Variants in FABP12 observed in about 807,000 individuals in gnomAD.
The protein encoded by FABP12 is fatty acid-binding protein 12.
In FABP12, 19 loss-of-function variants were observed where a neutral mutation model predicts 13.7. The ratio of observed to expected loss-of-function variants is 1.39; its 90% confidence interval spans 0.97 to 2.04. The LOEUF (loss-of-function observed/expected upper bound fraction) is 2.04, where lower values mean the gene tolerates loss of function less well. FABP12 is among the 30% of genes most tolerant of loss of function. The probability of loss-of-function intolerance (pLI) is 0.00; values close to 1 mark genes in which losing one functional copy is unlikely to be tolerated. For synonymous variants in FABP12, 61 were observed against 57.0 expected, an observed-to-expected ratio of 1.07 and a Z score of -0.32; for missense variants, 182 against 164.2, an observed-to-expected ratio of 1.11 and a Z score of -0.59.
intron 1 of FABP12, among the ~76,000 whole-genome samples, chr8:81,555,024 T>G (rs983632075): frequency 6.6e-6 from 1 of 152,092 alleles, no homozygotes; most frequent in Non-Finnish European, 1.5e-5. Context: ...TCATGTTTTC[T>G]TGCTACAAAT....
intron 1 of FABP12, among the ~76,000 whole-genome samples, chr8:81,547,633 G>A (rs1251454809): frequency 6.6e-6 from 1 of 152,152 alleles, no homozygotes; most frequent in Non-Finnish European, 1.5e-5. Context: ...ATTAAAATGA[G>A]ACATTATCAC....
chr8:81,538,080 T>C (rs1809266407), upstream of FABP12, among the ~76,000 whole-genome samples: 1 of 152,042 alleles, frequency 6.6e-6, no homozygotes, highest in African/African-American at 2.4e-5. Flanking sequence ...AGCTGGTGTA[T>C]CACATGGCAA....
At chr8:81,529,451 C>T (rs868486519) in exon 3 of FABP12, 1 of 1,613,840 alleles carries the variant, frequency 6.2e-7, no homozygotes. Flanking sequence ...TGTTTTGTGG[C>T]CACCTGGCGT....
At chr8:81,557,641 C>T (rs920609810) in intron 1 of FABP12, among the ~76,000 whole-genome samples, 1 of 152,152 alleles carries the variant, frequency 6.6e-6, no homozygotes, top group South Asian at 2.1e-4. Context: ...CAATTAAAAT[C>T]TTTAAGTGTT....
At chr8:81,527,734 T>TACA (rs1347830115) in intron 3 of FABP12, among the ~76,000 whole-genome samples, 1 of 152,186 alleles carries the variant, frequency 6.6e-6, no homozygotes, top group East Asian at 1.9e-4. Context: ...ACAAATACAT[T>TACA]TTAACTTTCA....
chr8:81,528,610 C>T (rs1032400880), intron 3 of FABP12, among the ~76,000 whole-genome samples: 5 of 152,126 alleles, frequency 3.3e-5, no homozygotes, highest in South Asian at 2.1e-4. Flanking sequence ...TATTGAACAA[C>T]TGTCATGACC....
chr8:81,541,990 G>A (rs186639595), intron 1 of FABP12, among the ~76,000 whole-genome samples: 167 of 148,834 alleles, frequency 1.1e-3, no homozygotes, highest in Admixed American at 1.4e-3. Context: ...TAATGTCTAG[G>A]AGCCACTAGA....
At chr8:81,581,861 C>T (rs1008137231) in intron 1 of FABP12, among the ~76,000 whole-genome samples, 5 of 152,060 alleles carry the variant, frequency 3.3e-5, no homozygotes, top group African/African-American at 9.7e-5. Flanking sequence ...GCAGTATCTA[C>T]CATCATGAAA....
chr8:81,568,950 C>G (rs1464868680), intron 1 of FABP12, among the ~76,000 whole-genome samples: 1 of 151,944 alleles, frequency 6.6e-6, no homozygotes, highest in Non-Finnish European at 1.5e-5. Flanking sequence ...TATGATAGTT[C>G]CCAAAGGCTA....
intron 1 of FABP12, among the ~76,000 whole-genome samples, chr8:81,544,315 A>G (rs112094173): frequency 0.022 from 3,277 of 152,316 alleles, 53 homozygotes; most frequent in Middle Eastern, 0.041. Context: ...TGGCAGGGAC[A>G]TGCTCCCTCT....
rs1486334214 is a variant in FABP12, at chr8:81,527,205, T to C, written c.247-84A>G. 12 of 722,588 alleles carry C rather than the reference T, an allele frequency of 1.7e-5. No homozygotes were observed. In the East Asian group the frequency reaches 1.9e-4, roughly 11 times the overall value. The allele number at this position is 722,588 out of a possible 1,614,324, so 44.8% of individuals were successfully genotyped here. A position where few individuals can be genotyped will look rare whatever the true frequency, so the allele number is the denominator to read the frequency against. ...TATCAGGCAGCAAATTCTTTTTAGC[T>C]GTTGTAATACTCTCAGGTAGTTTTA... On this transcript the variant is annotated intron_variant, in intron 3 of 4. Transcript: ENST00000360464.
chr8:81,564,509 C>T (rs1809782604), intron 1 of FABP12, among the ~76,000 whole-genome samples: 2 of 151,814 alleles, frequency 1.3e-5, no homozygotes, highest in African/African-American at 4.8e-5. Flanking sequence ...CAATAAGATA[C>T]AAATAAAAAC....
At chr8:81,546,579 C>T (rs1046891133) in intron 1 of FABP12, among the ~76,000 whole-genome samples, 9 of 151,832 alleles carry the variant, frequency 5.9e-5, no homozygotes, top group Admixed American at 4.6e-4. Flanking sequence ...AGGAGAATGG[C>T]GTCAACCTGG....
intron 1 of FABP12, among the ~76,000 whole-genome samples, chr8:81,587,589 C>A (rs114754520): frequency 6.6e-6 from 1 of 151,920 alleles, no homozygotes. Flanking sequence ...TTTCTATACA[C>A]GAGTAATGCC....
Position 81,531,249 on chromosome 8 carries a change from C to A in FABP12, c.67G>T (p.Glu23Ter), listed in dbSNP as rs748811381. 8.1e-6 allele frequency: 13 copies of A among 1,605,648 alleles called. No homozygotes were observed. In the Admixed American group the frequency reaches 2.2e-4, roughly 27 times the overall value. Residue 23 changes from glutamate to a stop codon, truncating the protein, a stop_gained, in exon 2 of 5, where the codon GAG (glutamate) becomes TAG (stop). Transcript: ENST00000360464. LOFTEE classifies it high-confidence loss of function. ...GCAAGTAAACATAGCTCACCCAGCT[C>A]CTTCATGTAGTCTTCGGAATTTTCA...
intron 1 of FABP12, among the ~76,000 whole-genome samples, chr8:81,577,718 G>A (rs555289059): frequency 3.3e-5 from 5 of 152,252 alleles, no homozygotes; most frequent in Admixed American, 1.3e-4. Flanking sequence ...CCGAGATTCC[G>A]CCATGCACTC....
intron 1 of FABP12, among the ~76,000 whole-genome samples, chr8:81,578,823 G>GTTTTTTTTTTTTTT (rs763089399): frequency 2.8e-5 from 3 of 105,668 alleles, no homozygotes; most frequent in African/African-American, 1.2e-4. Flanking sequence ...ATTTGTTCAA[G>GTTTTTTTTTTTTTT]TTTTTTTTTT....
chr8:81,586,816 T>G (rs1050842250), intron 1 of FABP12, among the ~76,000 whole-genome samples: 1 of 152,170 alleles, frequency 6.6e-6, no homozygotes, highest in African/African-American at 2.4e-5. Context: ...CCACATCAAT[T>G]TTTGTTTTTG....
At chr8:81,547,687 C>T (rs1764787435) in intron 1 of FABP12, among the ~76,000 whole-genome samples, 1 of 152,148 alleles carries the variant, frequency 6.6e-6, no homozygotes, top group Admixed American at 6.5e-5. Flanking sequence ...TTTTTCATAA[C>T]TCATTCATTC....
Sources: allele counts gnomAD v4.1 joint callset (sites outside exome capture counted in the v4.1 genomes callset), GRCh38; gene constraint gnomAD v4.1.1; transcripts MANE v1.5; gene names NCBI Gene and HGNC (gene_info 2026-07-23, HGNC 2026-07-21).